The following CPA6 variants were observed in gnomAD, a reference collection of about 807,000 sequenced individuals.
The protein encoded by CPA6 is carboxypeptidase B.
Under a neutral mutation model 63.3 loss-of-function variants are expected in CPA6, and 58 were observed. The observed-to-expected ratio is 0.92, with a 90% confidence interval of 0.74 to 1.14. The LOEUF (loss-of-function observed/expected upper bound fraction) is 1.14, where lower values mean the gene tolerates loss of function less well. Among genes scored for constraint, CPA6 ranks in the 50% most tolerant of loss-of-function variants. The pLI, the probability that CPA6 is intolerant of heterozygous loss-of-function variation, is 0.00. For missense variants in CPA6, 565 were observed against 526.6 expected, an observed-to-expected ratio of 1.07 and a Z score of -0.71; for synonymous variants, 185 against 179.0, an observed-to-expected ratio of 1.03 and a Z score of -0.27.
At chr8:67,481,530 G>A (rs1400032439) in intron 8 of CPA6, among the ~76,000 whole-genome samples, 1 of 152,218 alleles carries the variant, frequency 6.6e-6, no homozygotes, top group Non-Finnish European at 1.5e-5. Flanking sequence ...ACCACACGGG[G>A]ATCCACAGAT....
chr8:67,711,192 C>T (rs181561491), intron 1 of CPA6, among the ~76,000 whole-genome samples: 4 of 152,308 alleles, frequency 2.6e-5, no homozygotes, highest in Admixed American at 6.5e-5. Flanking sequence ...ACAAGGTTCT[C>T]GAGGAAAGAT....
At chr8:67,502,592 G>A (rs746851432) in intron 6 of CPA6, among the ~76,000 whole-genome samples, 6 of 151,728 alleles carry the variant, frequency 4.0e-5, no homozygotes, top group Admixed American at 1.3e-4. Flanking sequence ...GAGACTTTTC[G>A]TCTTTTCTAA....
chr8:67,602,102 A>T (rs1814511259), intron 2 of CPA6, among the ~76,000 whole-genome samples: 1 of 152,202 alleles, frequency 6.6e-6, no homozygotes, highest in South Asian at 2.1e-4. Context: ...AAGTAGTAAA[A>T]CTGTGTGTAT....
intron 2 of CPA6, among the ~76,000 whole-genome samples, chr8:67,552,897 C>A (rs1812982186): frequency 1.3e-5 from 2 of 149,518 alleles, no homozygotes; most frequent in South Asian, 4.2e-4. Context: ...TCCATTTGTA[C>A]AGTTGCATTT....
intron 1 of CPA6, among the ~76,000 whole-genome samples, chr8:67,668,219 T>C (rs1353277489): frequency 6.6e-6 from 1 of 152,226 alleles, no homozygotes; most frequent in Non-Finnish European, 1.5e-5. Context: ...TTTGTTGCAA[T>C]AAACTGGTAA....
intron 1 of CPA6, among the ~76,000 whole-genome samples, chr8:67,660,519 T>TTC (rs1554530877): frequency 1.2e-4 from 17 of 143,942 alleles, no homozygotes; most frequent in Non-Finnish European, 7.6e-5. Flanking sequence ...TTTTTTTTTT[T>TTC]GTAGAGATGA....
intron 6 of CPA6, among the ~76,000 whole-genome samples, chr8:67,497,503 G>A (rs754321546): frequency 9.2e-5 from 14 of 152,080 alleles, no homozygotes; most frequent in Admixed American, 3.3e-4. Context: ...ATCAGTTGAT[G>A]GCCACTTTTT....
At chr8:67,658,662 T>A (rs1237713845) in intron 1 of CPA6, among the ~76,000 whole-genome samples, 1 of 152,240 alleles carries the variant, frequency 6.6e-6, no homozygotes, top group Non-Finnish European at 1.5e-5. Context: ...CTCTTCCTGA[T>A]GTCTCCCAGA....
At chr8:67,703,167 C>T (rs1291257746) in intron 1 of CPA6, among the ~76,000 whole-genome samples, 1 of 152,154 alleles carries the variant, frequency 6.6e-6, no homozygotes, top group Non-Finnish European at 1.5e-5. Flanking sequence ...TGTTCAATCC[C>T]TGTACTCAGT....
intron 2 of CPA6, among the ~76,000 whole-genome samples, chr8:67,520,336 C>T (rs1478141856): frequency 1.3e-5 from 2 of 152,128 alleles, no homozygotes; most frequent in African/African-American, 4.8e-5. Flanking sequence ...TACAGCAAGG[C>T]TTGGAGAAAG....
rs533952498 is a variant in CPA6, at chr8:67,715,061, A to C, written c.116+30953T>G. On this transcript the variant is annotated intron_variant, in intron 1 of 10. Coordinates refer to ENST00000297770, the MANE Select transcript of CPA6 (RefSeq NM_020361.5). ...TTTGGCAGCTTAGCCATTTTTACCC[A>C]CAATATTTCTGACAGCAAATGTGGT... Among the ~76,000 whole-genome samples, 6 of 152,248 alleles carry C rather than the reference A, an allele frequency of 3.9e-5. No homozygotes were observed. The East Asian group carries it at 1.2e-3, about 29-fold the overall frequency.
chr8:67,733,378 C>T (rs1817752595), intron 1 of CPA6, among the ~76,000 whole-genome samples: 1 of 151,896 alleles, frequency 6.6e-6, no homozygotes, highest in African/African-American at 2.4e-5. Flanking sequence ...GTCTGAGACC[C>T]ACTGTCCAGG....
intron 1 of CPA6, among the ~76,000 whole-genome samples, chr8:67,664,286 A>T (rs1816180762): frequency 6.6e-6 from 1 of 152,240 alleles, no homozygotes; most frequent in South Asian, 2.1e-4. Context: ...CATTTGTAGG[A>T]GCTGGATCAA....
chr8:67,672,270 CTG>C (rs1174879722), intron 1 of CPA6, among the ~76,000 whole-genome samples: 2 of 152,144 alleles, frequency 1.3e-5, no homozygotes, highest in African/African-American at 4.8e-5. Flanking sequence ...CTAAATATAA[CTG>C]GAACATTTTA....
intron 5 of CPA6, among the ~76,000 whole-genome samples, chr8:67,509,035 G>T (rs1183486341): frequency 6.6e-6 from 1 of 152,104 alleles, no homozygotes; most frequent in Non-Finnish European, 1.5e-5. Context: ...TGGAGCAGGA[G>T]GAAGAGAGCG....
chr8:67,737,308 T>C (rs1817831571), intron 1 of CPA6, among the ~76,000 whole-genome samples: 1 of 152,200 alleles, frequency 6.6e-6, no homozygotes, highest in South Asian at 2.1e-4. Context: ...CACCAATATA[T>C]TCCCTGTGTC....
intron 8 of CPA6, among the ~76,000 whole-genome samples, chr8:67,436,313 G>C (rs752037665): frequency 1.3e-5 from 2 of 151,840 alleles, no homozygotes; most frequent in Non-Finnish European, 2.9e-5. Context: ...GCTTCCCCAG[G>C]CTCCGGCCTT....
rs552041509 is a variant in CPA6, at chr8:67,455,663, C to CAAAAAAAAAAAAAAAAAAAAAAAA, written c.839-21447_839-21424dup. 6.6e-5 allele frequency among the ~76,000 whole-genome samples: 2 copies of CAAAAAAAAAAAAAAAAAAAAAAAA among 30,250 alleles called. 1 individual carries two copies. Among genetic ancestry groups the CAAAAAAAAAAAAAAAAAAAAAAAA allele is most frequent in the African/African-American group, 3.1e-4 (2 of 6,410 alleles). 19.8% of individuals were successfully genotyped at this position (30,250 alleles called of 152,430 possible). A position where few individuals can be genotyped will look rare whatever the true frequency, so the allele number is the denominator to read the frequency against. ...TAGTGAAGCCCCTTCTCTACAAAAGCAAAAAAAAAAAAAAAAAAAAAAAAA... is the reference window on the plus strand; with the variant it reads ...TAGTGAAGCCCCTTCTCTACAAAAGCAAAAAAAAAAAAAAAAAAAAAAAAAAAAAAAAAAAAAAAAAAAAAAAAA... On this transcript the variant is annotated intron_variant, in intron 8 of 10. Transcript: ENST00000297770.
At chr8:67,508,386 T>A (rs891471670) in intron 5 of CPA6, among the ~76,000 whole-genome samples, 1 of 152,040 alleles carries the variant, frequency 6.6e-6, no homozygotes, top group East Asian at 1.9e-4. Flanking sequence ...TTTCTGAATA[T>A]CCAGGGAAGA....
Sources: allele counts gnomAD v4.1 joint callset (sites outside exome capture counted in the v4.1 genomes callset), GRCh38; gene constraint gnomAD v4.1.1; transcripts MANE v1.5; gene names NCBI Gene and HGNC (gene_info 2026-07-23, HGNC 2026-07-21).